The following TPM2 variants were observed in gnomAD, a reference collection of about 807,000 sequenced individuals.
The protein encoded by TPM2 is tropomyosin 2.
A neutral mutation model predicts 41.0 loss-of-function variants in TPM2; 26 were observed. The observed-to-expected ratio is 0.63, with a 90% confidence interval of 0.46 to 0.88. TPM2 has a LOEUF of 0.88. Among genes scored for constraint, TPM2 ranks in the 40% least tolerant of loss-of-function variants. TPM2 has a pLI of 0.00. For missense variants in TPM2, 187 were observed against 355.2 expected (o/e 0.53, Z 3.81); for synonymous variants, 143 against 139.3 (o/e 1.03, Z -0.19).
chr9:35,688,635 C>T (rs1445802321), intron 2 of TPM2, among the ~76,000 whole-genome samples: 2 of 152,136 alleles, frequency 1.3e-5, no homozygotes, highest in Non-Finnish European at 2.9e-5. Flanking sequence ...GAGCTGGGGC[C>T]CCAGGGCACA....
chr9:35,683,360 G>T, intron 8 of TPM2, 119 bp from the exon 9 acceptor site: 1 of 1,010,622 alleles, frequency 9.9e-7, no homozygotes, highest in Non-Finnish European at 1.5e-6. Context: ...CACAAAGACA[G>T]AGTGAGAGAG....
At position 35,685,841 on chromosome 9, in the gene TPM2, G is replaced by A. The variant is rs1241616520; in HGVS notation, c.241-61C>T. On this transcript the variant is annotated intron_variant, in intron 2 of 8. Coordinates refer to ENST00000645482, the MANE Select transcript of TPM2 (RefSeq NM_003289.4). The surrounding 1 kb of genome is among the most constrained non-coding windows in gnomAD (Gnocchi z 5.0). Reference sequence around the variant, plus strand: ...TTAGCCTTGGATAAGGATCAGAGAGGCTCCAGAGGATGGCGAGATTCTTCT... The same window carrying A: ...TTAGCCTTGGATAAGGATCAGAGAGACTCCAGAGGATGGCGAGATTCTTCT... The A allele has an allele frequency of 5.6e-6, 9 of 1,611,950 alleles. No individual in the cohort carries two copies. The South Asian group carries it at 6.6e-5, about 12-fold the overall frequency.
intron 2 of TPM2, among the ~76,000 whole-genome samples, chr9:35,686,004 A>AC (rs1479856895): frequency 6.6e-6 from 1 of 151,960 alleles, no homozygotes; most frequent in Non-Finnish European, 1.5e-5. Context: ...TAATCCCCGC[A>AC]CTCTGGGAGG....
intron 1 of TPM2, 61 bp from the exon 2 acceptor site, chr9:35,689,332 G>A: frequency 6.2e-7 from 1 of 1,609,324 alleles, no homozygotes; most frequent in East Asian, 2.2e-5. Flanking sequence ...GAATGGAGAC[G>A]CGGTGTGTGT....
intron 8 of TPM2, 50 bp downstream of exon 8, chr9:35,684,192 GGACA>G: frequency 6.4e-7 from 1 of 1,572,228 alleles, no homozygotes; most frequent in Non-Finnish European, 8.8e-7. Context: ...AGAAGGTACA[GGACA>G]GACTGATAAT....
Position 35,689,322 on chromosome 9 carries a change from G to C in TPM2, c.115-51C>G, listed in dbSNP as rs1825118520. On this transcript the variant is annotated intron_variant, in intron 1 of 8. Transcript: ENST00000645482. ...CAGGCTGGGAGGGGGCCCAGGCCCA[G>C]AATGGAGACGCGGTGTGTGTAGGGG... 2.5e-6 allele frequency: 4 copies of C among 1,611,662 alleles called. No individual in the cohort carries two copies. The East Asian group carries it at 8.9e-5, about 36-fold the overall frequency.
chr9:35,684,561 C>T lies in TPM2; in HGVS notation c.640-11G>A, dbSNP rs950538034. On this transcript the variant is annotated splice_polypyrimidine_tract_variant and intron_variant, in intron 6 of 8. Coordinates refer to ENST00000645482, the MANE Select transcript of TPM2 (RefSeq NM_003289.4). ...TTCTTTGGTGGAATACTTTTGGGGA[C>T]ACACACACGCCATCAGTACAGCGCT... 2 of 1,613,914 alleles carry T rather than the reference C, an allele frequency of 1.2e-6. No homozygotes were observed. The highest frequency in any genetic ancestry group is 1.6e-4 in the Middle Eastern group (1 of 6,082).
chr9:35,682,023 C>T (rs775720804), downstream of TPM2: 1 of 1,569,340 alleles, frequency 6.4e-7, no homozygotes, highest in African/African-American at 1.4e-5. Flanking sequence ...AGGCTAGTAA[C>T]ATCAGTTTTA....
intron 2 of TPM2, among the ~76,000 whole-genome samples, chr9:35,686,636 C>CAAAAAAA (rs11408936): frequency 9.6e-6 from 1 of 104,410 alleles, no homozygotes; most frequent in Non-Finnish European, 1.8e-5. Context: ...GATCCCATCT[C>CAAAAAAA]AAAAAAAAAA....
Position 35,685,602 on chromosome 9 carries a change from C to A in TPM2, c.374+45G>T. ...TAGGGTCAGGACCAGCAGAGACAGG[C>A]TCCCTTCTCCCTCCCGGACCATCCT... is the stretch of plus-strand genomic sequence containing the variant. On this transcript the variant is annotated intron_variant, in intron 3 of 8. Transcript: ENST00000645482. This position sits in a 1 kb window ranked among gnomAD's most constrained non-coding sequence, Gnocchi z 5.0. The A allele has an allele frequency of 2.5e-6, 4 of 1,614,200 alleles. No homozygotes were observed. Among genetic ancestry groups the A allele is most frequent in the Non-Finnish European group, 3.4e-6 (4 of 1,180,024 alleles).
At position 35,685,631 on chromosome 9, in the gene TPM2, C is replaced by A; in HGVS notation, c.374+16G>T. 6.2e-7 allele frequency: 1 copy of A among 1,614,156 alleles called. No homozygotes were observed. The highest frequency in any genetic ancestry group is 8.5e-7 in the Non-Finnish European group (1 of 1,180,034). On this transcript the variant is annotated intron_variant, in intron 3 of 8. Transcript: ENST00000645482. The surrounding 1 kb of genome is among the most constrained non-coding windows in gnomAD (Gnocchi z 5.0). Reference sequence around the variant, plus strand: ...CTTCTCCCTCCCGGACCATCCTCCCCGAGGCCCCTGACCACCTCTCGCTCT... The same window carrying A: ...CTTCTCCCTCCCGGACCATCCTCCCAGAGGCCCCTGACCACCTCTCGCTCT...
chr9:35,684,643 C>T (rs992212097), intron 6 of TPM2, 89 bp downstream of exon 6: 76 of 1,613,134 alleles, frequency 4.7e-5, no homozygotes, highest in Non-Finnish European at 5.3e-5. Context: ...ATCTTGCCTC[C>T]GTTGAACACC....
downstream of TPM2, chr9:35,682,750 A>C: frequency 1.5e-6 from 2 of 1,317,802 alleles, no homozygotes; most frequent in Non-Finnish European, 2.0e-6. Flanking sequence ...GCAGTGGTGA[A>C]TCAGAGAGCG....
Position 35,684,264 on chromosome 9 carries a change from T to C in TPM2, c.754A>G (p.Thr252Ala). 6.2e-7 allele frequency: 1 copy of C among 1,614,134 alleles called. No homozygotes were observed. Among genetic ancestry groups the C allele is most frequent in the Non-Finnish European group, 8.5e-7 (1 of 1,180,016 alleles). The change falls in exon 8 of 9, where the codon ACC becomes GCC. Residue 252 changes from threonine to alanine, a missense_variant. By Grantham distance (58) the Thr-to-Ala change is moderately conservative. Transcript: ENST00000645482. The part of the protein sequence containing the change: ...AERSVAKLEK[T>A]IDDLEDEVYA... Reference sequence around the variant, plus strand: ...CTTTTACCTTCTAGGTCATCGATGGTTTTCTCCAACTTTGCCACAGACCTC... The same window carrying C: ...CTTTTACCTTCTAGGTCATCGATGGCTTTCTCCAACTTTGCCACAGACCTC...
chr9:35,689,970 G>A (rs111651726), upstream of TPM2: 226 of 1,517,012 alleles, frequency 1.5e-4, no homozygotes, highest in African/African-American at 2.6e-3. Context: ...GGGAGGGACC[G>A]GGCGGGGCCG....
downstream of TPM2, chr9:35,682,206 G>T: frequency 3.1e-6 from 5 of 1,596,120 alleles, no homozygotes; most frequent in Non-Finnish European, 4.3e-6. Context: ...GAGACACAAG[G>T]GGGAGACGTG....
At chr9:35,689,476 C>A (rs888869613) in intron 1 of TPM2, 7 of 884,614 alleles carry the variant, frequency 7.9e-6, no homozygotes, top group Non-Finnish European at 9.5e-6. Flanking sequence ...CAGGACCAAC[C>A]GCGCTCTGCA....
chr9:35,683,249 G>GGA lies in TPM2; in HGVS notation c.773-9_773-8insTC. The GGA allele has an allele frequency of 6.4e-7, 1 of 1,552,618 alleles. No individual in the cohort carries two copies. The highest frequency in any genetic ancestry group is 8.7e-7 in the Non-Finnish European group (1 of 1,146,638). On this transcript the variant is annotated splice_polypyrimidine_tract_variant and intron_variant, in intron 8 of 8. Coordinates refer to ENST00000645482, the MANE Select transcript of TPM2 (RefSeq NM_003289.4). ...TCTGGGCATAGACTTCATCTGGGGG[G>GGA]GGTCCAGGGAGGGGACCAGGTGGGA...
chr9:35,687,189 A>C (rs1349355781), intron 2 of TPM2, among the ~76,000 whole-genome samples: 1 of 152,154 alleles, frequency 6.6e-6, no homozygotes, highest in Admixed American at 6.5e-5. Context: ...AAAACTAAAC[A>C]GGTTCTCTTA....
Sources: allele counts gnomAD v4.1 joint callset (sites outside exome capture counted in the v4.1 genomes callset), GRCh38; gene constraint gnomAD v4.1.1; non-coding constraint Gnocchi (gnomAD v3.1); transcripts MANE v1.5; gene names NCBI Gene and HGNC (gene_info 2026-07-23, HGNC 2026-07-21).